SS18L1: variants seen among roughly 807,000 people sequenced by gnomAD.
SS18L1 encodes calcium-responsive transactivator.
Under a neutral mutation model 70.3 loss-of-function variants are expected in SS18L1, and 32 were observed. The ratio of observed to expected loss-of-function variants is 0.46; its 90% CI spans 0.34 to 0.61. The LOEUF (loss-of-function observed/expected upper bound fraction) is 0.61, where lower values mean the gene tolerates loss of function less well. Ranked by LOEUF, SS18L1 falls within the 20% of genes least tolerant of loss-of-function variation. SS18L1 has a pLI of 0.01. For synonymous variants in SS18L1, 237 were observed against 229.7 expected (o/e 1.03, Z -0.29); for missense variants, 430 against 542.1 (o/e 0.79, Z 2.05).
chr20:62,149,889 C>T (rs927053419), intron 1 of SS18L1, among the ~76,000 whole-genome samples: 57 of 152,178 alleles, frequency 3.7e-4, no homozygotes, highest in African/African-American at 1.3e-3. Context: ...ATACAGACGT[C>T]GCGTGTTGCT....
chr20:62,159,266 A>AG lies in SS18L1; in HGVS notation c.146+522dup, dbSNP rs1029881115. ...GTGAACCTAGGGCCTGATGCGTAGG[A>AG]GGGGTGCGTGGCCAGTCTGCCACCC... On this transcript the variant is annotated intron_variant, in intron 2 of 10. Coordinates refer to ENST00000331758, the MANE Select transcript of SS18L1 (RefSeq NM_198935.3). The surrounding 1 kb of genome is among the most constrained non-coding windows in gnomAD (Gnocchi z 4.4). Among the ~76,000 whole-genome samples, 21 of 152,224 alleles carry AG rather than the reference A, an allele frequency of 1.4e-4. No homozygotes were observed. The highest frequency in any genetic ancestry group is 4.8e-4 in the African/African-American group (20 of 41,552).
At chr20:62,153,549 G>T (rs1275584936) in intron 1 of SS18L1, among the ~76,000 whole-genome samples, 1 of 152,082 alleles carries the variant, frequency 6.6e-6, no homozygotes, top group Non-Finnish European at 1.5e-5. Flanking sequence ...CTTTCTCGGG[G>T]GTTGGATCTG....
chr20:62,169,429 C>G (rs946322571), intron 8 of SS18L1, among the ~76,000 whole-genome samples: 2 of 152,156 alleles, frequency 1.3e-5, no homozygotes, highest in East Asian at 3.8e-4. Flanking sequence ...GGTATGAGTC[C>G]GTCTGTATGT....
intron 6 of SS18L1, 29 bp downstream of exon 6, chr20:62,163,651 C>T: frequency 1.3e-6 from 2 of 1,522,338 alleles, no homozygotes; most frequent in Non-Finnish European, 8.8e-7. Flanking sequence ...AGGTCGCGGG[C>T]ACAGCTGACC....
chr20:62,151,050 C>T (rs1461087985), intron 1 of SS18L1, among the ~76,000 whole-genome samples: 4 of 152,214 alleles, frequency 2.6e-5, no homozygotes, highest in Non-Finnish European at 4.4e-5. Context: ...CCAGCCCCGG[C>T]AGTGAGCCTC....
intron 8 of SS18L1, among the ~76,000 whole-genome samples, chr20:62,167,601 T>G (rs1452607822): frequency 6.6e-6 from 1 of 152,116 alleles, no homozygotes; most frequent in African/African-American, 2.4e-5. Context: ...GAGGCTATCT[T>G]CTGGCATATT....
At position 62,158,757 on chromosome 20, in the gene SS18L1, C is replaced by G. The variant is rs376180370; in HGVS notation, c.146+9C>G. 3 of 1,612,870 alleles carry G rather than the reference C, an allele frequency of 1.9e-6. No individual in the cohort carries two copies. Among genetic ancestry groups the G allele is most frequent in the Admixed American group, 1.7e-5 (1 of 60,008 alleles). On this transcript the variant is annotated intron_variant, in intron 2 of 10. Transcript: ENST00000331758. The surrounding 1 kb of genome is among the most constrained non-coding windows in gnomAD (Gnocchi z 4.5). The stretch of plus-strand genomic sequence containing the variant: ...ACGGCCGAGTGCACGCAGTGAGTGC[C>G]CGCCATACACCGGAACACTTGGAGG...
At chr20:62,176,420 C>T (rs995786097) in intron 10 of SS18L1, among the ~76,000 whole-genome samples, 3 of 152,126 alleles carry the variant, frequency 2.0e-5, no homozygotes, top group South Asian at 4.1e-4. Flanking sequence ...GGCTGAGGCA[C>T]GAGGATCCCT....
At chr20:62,157,356 C>G (rs1239486223) in intron 1 of SS18L1, among the ~76,000 whole-genome samples, 2 of 152,234 alleles carry the variant, frequency 1.3e-5, no homozygotes, top group African/African-American at 2.4e-5. Context: ...TCAGGAGGCG[C>G]TTTGGGAAGG....
chr20:62,145,987 C>G (rs945839219), intron 1 of SS18L1, among the ~76,000 whole-genome samples: 2 of 148,864 alleles, frequency 1.3e-5, no homozygotes, highest in Non-Finnish European at 2.9e-5. Context: ...CTTGTCCTTA[C>G]AGCATTCTGC....
intron 1 of SS18L1, among the ~76,000 whole-genome samples, chr20:62,145,322 G>GA (rs1322168987): frequency 8.6e-5 from 13 of 151,864 alleles, no homozygotes; most frequent in African/African-American, 2.4e-4. Context: ...AGGCCTAGGG[G>GA]GGCTAAATGC....
Position 62,162,840 on chromosome 20 carries a change from G to A in SS18L1, c.465G>A (p.Ala155=), listed in dbSNP as rs143617036. 5.0e-5 allele frequency: 81 copies of A among 1,612,716 alleles called. No homozygotes were observed. In the African/African-American group the frequency reaches 7.2e-4, roughly 14 times the overall value. Reference sequence around the variant, plus strand: ...TCTCTGGGCCCGGCTACAGCCACGCGGGACCCGCCTCGCAGGGCGTCCCCA... The same window carrying A: ...TCTCTGGGCCCGGCTACAGCCACGCAGGACCCGCCTCGCAGGGCGTCCCCA... The part of the protein sequence containing the change: ...MSISGPGYSH[A]GPASQGVPMQ... The change falls in exon 5 of 11, where the codon GCG becomes GCA. Residue 155 remains alanine (A), a synonymous_variant. Transcript: ENST00000331758.
intron 7 of SS18L1, among the ~76,000 whole-genome samples, chr20:62,164,684 G>A (rs571843316): frequency 6.6e-5 from 10 of 152,150 alleles, no homozygotes; most frequent in East Asian, 1.9e-4. Flanking sequence ...GTATTTTACC[G>A]TCGTCACCTT....
intron 4 of SS18L1, 114 bp from the exon 5 acceptor site, chr20:62,162,638 T>C: frequency 9.5e-7 from 1 of 1,056,034 alleles, no homozygotes; most frequent in Non-Finnish European, 1.3e-6. Context: ...TTAATAGTGC[T>C]GTTGATAGCA....
chr20:62,174,779 C>T lies in SS18L1; in HGVS notation c.1164+135C>T, dbSNP rs1045796880. On this transcript the variant is annotated intron_variant, in intron 10 of 10. Coordinates refer to ENST00000331758, the MANE Select transcript of SS18L1 (RefSeq NM_198935.3). This position sits in a 1 kb window ranked among gnomAD's most constrained non-coding sequence, Gnocchi z 4.1. ...CAGGGTTCCTTCCAGAACGTTAAGT[C>T]TCTGAGCCTGTAAGGTTTTGCAGAA... The T allele has an allele frequency of 8.9e-6, 14 of 1,570,314 alleles. No individual in the cohort carries two copies. Among genetic ancestry groups the T allele is most frequent in the Non-Finnish European group, 8.6e-6 (10 of 1,158,030 alleles).
chr20:62,149,126 TC>T (rs2057083520), intron 1 of SS18L1, among the ~76,000 whole-genome samples: 1 of 152,178 alleles, frequency 6.6e-6, no homozygotes, highest in South Asian at 2.1e-4. Flanking sequence ...TTCCCTGGAA[TC>T]CCCGGGCTGC....
intron 4 of SS18L1, among the ~76,000 whole-genome samples, chr20:62,162,367 T>C (rs1297181001): frequency 6.6e-6 from 1 of 152,118 alleles, no homozygotes; most frequent in African/African-American, 2.4e-5. Flanking sequence ...ATGGGCATGA[T>C]CTTGGCCCAC....
At position 62,159,925 on chromosome 20, in the gene SS18L1, A is replaced by G; in HGVS notation, c.195A>G (p.Ala65=). The G allele has an allele frequency of 6.2e-7, 1 of 1,612,572 alleles. No individual in the cohort carries two copies. The highest frequency in any genetic ancestry group is 8.5e-7 in the Non-Finnish European group (1 of 1,179,878). The change falls in exon 3 of 11, where the codon GCA becomes GCG. Residue 65 remains alanine (A), a synonymous_variant. Transcript: ENST00000331758. This position sits in a 1 kb window ranked among gnomAD's most constrained non-coding sequence, Gnocchi z 4.4. Reference sequence around the variant, plus strand: ...ACCTGGTATACCTGGCCACGATCGCAGACTCCAACCAGAACATGCAGTCCC... The same window carrying G: ...ACCTGGTATACCTGGCCACGATCGCGGACTCCAACCAGAACATGCAGTCCC... ...HRNLVYLATI[A]DSNQNMQSLL... is the part of the protein sequence containing the mutation.
chr20:62,145,253 T>C (rs1458480506), intron 1 of SS18L1, among the ~76,000 whole-genome samples: 1 of 152,232 alleles, frequency 6.6e-6, no homozygotes, highest in Non-Finnish European at 1.5e-5. Flanking sequence ...GGCATCCCGT[T>C]TAATAGCTAA....
Sources: allele counts gnomAD v4.1 joint callset (sites outside exome capture counted in the v4.1 genomes callset), GRCh38; gene constraint gnomAD v4.1.1; non-coding constraint Gnocchi (gnomAD v3.1); transcripts MANE v1.5; gene names NCBI Gene and HGNC (gene_info 2026-07-23, HGNC 2026-07-21).